The following EPS15 variants were observed in gnomAD, a reference collection of about 807,000 sequenced individuals.
EPS15 encodes the protein epidermal growth factor receptor substrate 15.
Under a neutral mutation model 113.8 loss-of-function variants are expected in EPS15, and 72 were observed. The ratio of observed to expected loss-of-function variants is 0.63; its 90% confidence interval spans 0.52 to 0.77. The LOEUF (loss-of-function observed/expected upper bound fraction) is 0.77, where lower values mean the gene tolerates loss of function less well. EPS15 is among the 30% of genes least tolerant of loss of function. The pLI is 0.00. For missense variants in EPS15, 1,048 were observed against 1,045.8 expected, an observed-to-expected ratio of 1.00 and a Z score of -0.03; for synonymous variants, 344 against 363.4, an observed-to-expected ratio of 0.95 and a Z score of 0.61.
intron 1 of EPS15, among the ~76,000 whole-genome samples, chr1:51,512,076 A>G (rs1425793144): frequency 6.6e-6 from 1 of 152,210 alleles, no homozygotes; most frequent in African/African-American, 2.4e-5. Flanking sequence ...CCTCATTTCT[A>G]TCCTACTTTT....
At chr1:51,490,255 A>G in intron 1 of EPS15, 1 of 448,048 alleles carries the variant, frequency 2.2e-6, no homozygotes, top group Admixed American at 2.5e-5. Flanking sequence ...ATTTAGTCTT[A>G]TTATAAATGG....
Position 51,464,020 on chromosome 1 carries a change from G to A in EPS15, c.376-222C>T, listed in dbSNP as rs72892008. 7.3e-3 allele frequency among the ~76,000 whole-genome samples: 1,117 copies of A among 152,250 alleles called. 13 individuals are homozygous for A. Among genetic ancestry groups the A allele is most frequent in the African/African-American group, 0.026 (1,074 of 41,536 alleles). On this transcript the variant is annotated intron_variant, in intron 6 of 24. Transcript: ENST00000371733. ...AAGTGACTTTACCCAAGAGTCTGGT[G>A]TTGCCCATTCTTTTTGTAGCTGGAA...
rs567642888 is a variant in EPS15, at chr1:51,519,072, C to A, written c.33+127G>T. ...CGCACCCGCTTTCCCTCACACACACCGGCCGCCCGGCCCACAAGCCAAGAA... is the reference window on the plus strand; with the variant it reads ...CGCACCCGCTTTCCCTCACACACACAGGCCGCCCGGCCCACAAGCCAAGAA... On this transcript the variant is annotated intron_variant, in intron 1 of 24. Coordinates refer to ENST00000371733, the MANE Select transcript of EPS15 (RefSeq NM_001981.3). 8.0e-5 allele frequency: 46 copies of A among 577,336 alleles called. 1 individual carries two copies. The South Asian group carries it at 1.6e-3, about 20-fold the overall frequency. 35.8% of individuals were successfully genotyped at this position (577,336 alleles called of 1,614,324 possible).
At chr1:51,483,105 G>A (rs1023063790) in intron 1 of EPS15, among the ~76,000 whole-genome samples, 2 of 152,102 alleles carry the variant, frequency 1.3e-5, no homozygotes, top group African/African-American at 2.4e-5. Context: ...CACCCAGGAC[G>A]TGAATCCCTT....
chr1:51,356,228 C>T lies in EPS15; in HGVS notation c.*472G>A. 1 of 217,432 alleles carries T rather than the reference C, an allele frequency of 4.6e-6. No homozygotes were observed. Among genetic ancestry groups the T allele is most frequent in the East Asian group, 6.9e-5 (1 of 14,594 alleles). The allele number at this position is 217,432 out of a possible 1,614,324, so 13.5% of individuals were successfully genotyped here. Reference sequence around the variant, plus strand: ...TTAAAAATGCACTTTAGCCAATTTGCACCAATCATAAAAGAAATAAGATAT... The same window carrying T: ...TTAAAAATGCACTTTAGCCAATTTGTACCAATCATAAAAGAAATAAGATAT... On this transcript the variant is annotated 3_prime_UTR_variant, in exon 25 of 25. Transcript: ENST00000371733.
At chr1:51,415,476 T>C (rs1650117577) in intron 13 of EPS15, among the ~76,000 whole-genome samples, 1 of 152,084 alleles carries the variant, frequency 6.6e-6, no homozygotes, top group Non-Finnish European at 1.5e-5. Context: ...TCTCTCTATG[T>C]CTATTTCTAA....
chr1:51,510,009 C>A (rs978898343), intron 1 of EPS15, among the ~76,000 whole-genome samples: 8 of 152,216 alleles, frequency 5.3e-5, no homozygotes, highest in African/African-American at 1.9e-4. Flanking sequence ...AATTACTTCA[C>A]CTCTGTGTCC....
chr1:51,404,851 G>A (rs1648945802), intron 16 of EPS15, among the ~76,000 whole-genome samples: 1 of 152,054 alleles, frequency 6.6e-6, no homozygotes, highest in Admixed American at 6.6e-5. Flanking sequence ...TTGGGGAAAG[G>A]GATACACATT....
chr1:51,425,085 C>T (rs1443900492), intron 12 of EPS15, among the ~76,000 whole-genome samples: 1 of 152,052 alleles, frequency 6.6e-6, no homozygotes, highest in Non-Finnish European at 1.5e-5. Context: ...TTTTAAGATG[C>T]TTACACATCC....
chr1:51,495,353 ATT>A (rs928610749), intron 1 of EPS15, among the ~76,000 whole-genome samples: 1 of 146,526 alleles, frequency 6.8e-6, no homozygotes. Flanking sequence ...TTTTATTTTT[ATT>A]TTTTTTTTTG....
At chr1:51,357,709 TATACTA>T (rs1258307039) in intron 24 of EPS15, among the ~76,000 whole-genome samples, 1 of 148,222 alleles carries the variant, frequency 6.7e-6, no homozygotes, top group East Asian at 2.0e-4. Flanking sequence ...AAGTATTGGG[TATACTA>T]AGCAAGATGT....
At chr1:51,462,869 G>GTTTTTTTTTTTT (rs1654568535) in intron 7 of EPS15, among the ~76,000 whole-genome samples, 1 of 133,188 alleles carries the variant, frequency 7.5e-6, no homozygotes, top group African/African-American at 2.8e-5. Context: ...AAAAAAGTCA[G>GTTTTTTTTTTTT]ATTTTTTTTT....
At chr1:51,428,981 T>G (rs1480977458) in intron 12 of EPS15, among the ~76,000 whole-genome samples, 2 of 152,102 alleles carry the variant, frequency 1.3e-5, no homozygotes, top group Non-Finnish European at 2.9e-5. Flanking sequence ...ATCCTCGAAC[T>G]CCTGGCCTCA....
chr1:51,390,706 G>C (rs11205842), intron 21 of EPS15, among the ~76,000 whole-genome samples: 2 of 151,734 alleles, frequency 1.3e-5, no homozygotes, highest in African/African-American at 4.8e-5. Context: ...CAACAGACAC[G>C]TGAAAAAATG....
intron 13 of EPS15, among the ~76,000 whole-genome samples, chr1:51,410,835 T>C (rs913678964): frequency 1.2e-4 from 19 of 152,226 alleles, no homozygotes; most frequent in African/African-American, 4.6e-4. Flanking sequence ...ATTATGATAA[T>C]AGCCAACACT....
chr1:51,448,569 T>TA (rs549572073), intron 8 of EPS15, among the ~76,000 whole-genome samples: 60 of 151,980 alleles, frequency 3.9e-4, no homozygotes, highest in Non-Finnish European at 3.4e-4. Flanking sequence ...TTCTTTAACA[T>TA]AAAAAAAATG....
chr1:51,441,324 G>C (rs1652581862), intron 11 of EPS15, among the ~76,000 whole-genome samples: 1 of 152,006 alleles, frequency 6.6e-6, no homozygotes, highest in African/African-American at 2.4e-5. Context: ...TTCTACCTTG[G>C]CTCAATGTCC....
intron 11 of EPS15, among the ~76,000 whole-genome samples, chr1:51,441,476 A>C (rs567331442): frequency 1.3e-5 from 2 of 152,252 alleles, no homozygotes; most frequent in African/African-American, 4.8e-5. Context: ...AAATGTTAAA[A>C]CTGAGGCCTG....
At chr1:51,402,786 G>A (rs993974033) in intron 17 of EPS15, among the ~76,000 whole-genome samples, 3 of 151,906 alleles carry the variant, frequency 2.0e-5, no homozygotes, top group African/African-American at 7.3e-5. Flanking sequence ...AGCTGGGCAT[G>A]TGCAGCTACT....
Sources: allele counts gnomAD v4.1 joint callset (sites outside exome capture counted in the v4.1 genomes callset), GRCh38; gene constraint gnomAD v4.1.1; transcripts MANE v1.5; gene names NCBI Gene and HGNC (gene_info 2026-07-23, HGNC 2026-07-21).